The following EIF3A variants were observed in gnomAD, a reference collection of about 807,000 sequenced individuals.
EIF3A encodes EIF3, p180 subunit.
A neutral mutation model predicts 186.6 loss-of-function variants in EIF3A; 21 were observed. The observed-to-expected ratio is 0.11, with a 90% CI of 0.08 to 0.16. The LOEUF is 0.16. Ranked by LOEUF, EIF3A falls within the 10% of genes least tolerant of loss-of-function variation. The pLI, the probability that EIF3A is intolerant of heterozygous loss-of-function variation, is 1.00. For missense variants in EIF3A, 1,306 were observed against 1,796.3 expected (o/e 0.73, Z 4.93); for synonymous variants, 563 against 584.3 (o/e 0.96, Z 0.52).
chr10:119,038,793 G>A (rs113835234), intron 19 of EIF3A, among the ~76,000 whole-genome samples: 5 of 152,104 alleles, frequency 3.3e-5, no homozygotes, highest in East Asian at 1.9e-4. Flanking sequence ...GTGGTGGTGC[G>A]CCTGTAGTCC....
intron 6 of EIF3A, among the ~76,000 whole-genome samples, chr10:119,065,988 C>T (rs370063329): frequency 2.6e-5 from 4 of 151,974 alleles, no homozygotes; most frequent in Non-Finnish European, 4.4e-5. Flanking sequence ...TAGTGGTGGG[C>T]GCCTGTAGTC....
In EIF3A at chr10:119,071,469, A is replaced by G. The variant is rs185119351; in HGVS notation, c.542-384T>C. 1.3e-4 allele frequency among the ~76,000 whole-genome samples: 20 copies of G among 152,322 alleles called. No individual in the cohort carries two copies. The East Asian group carries it at 3.9e-3, about 29-fold the overall frequency. On this transcript the variant is annotated intron_variant, in intron 4 of 21. Transcript: ENST00000369144. Reference sequence around the variant, plus strand: ...TACATAGTAAGAAACAAGGTTCTGTACTAATTAAAACTACATAATACAAAT... The same window carrying G: ...TACATAGTAAGAAACAAGGTTCTGTGCTAATTAAAACTACATAATACAAAT...
In EIF3A at chr10:119,035,447, T is replaced by C. The variant is rs1417557234; in HGVS notation, c.*592A>G. 2.0e-5 allele frequency: 3 copies of C among 149,676 alleles called. No individual in the cohort carries two copies. Among genetic ancestry groups the C allele is most frequent in the African/African-American group, 7.3e-5 (3 of 41,122 alleles). The allele number at this position is 149,676 out of a possible 1,614,324, so 9.3% of individuals were successfully genotyped here. ...TCATTACAACAACTGCAAATTGCTTTGTACTCACCTTCTCTCAAGTAAAAT... is the reference window on the plus strand; with the variant it reads ...TCATTACAACAACTGCAAATTGCTTCGTACTCACCTTCTCTCAAGTAAAAT... On this transcript the variant is annotated 3_prime_UTR_variant, in exon 22 of 22. Transcript: ENST00000369144.
In EIF3A at chr10:119,065,517, C is replaced by G. The variant is rs199796475; in HGVS notation, c.1004G>C (p.Arg335Pro). 5 of 1,612,730 alleles carry G rather than the reference C, an allele frequency of 3.1e-6. No homozygotes were observed. The highest frequency in any genetic ancestry group is 3.4e-6 in the Non-Finnish European group (4 of 1,178,980). Residue 335 changes from arginine to proline, a missense_variant, in exon 7 of 22, where the codon CGT becomes CCT. Coordinates refer to ENST00000369144, the MANE Select transcript of EIF3A (RefSeq NM_003750.4). Reference sequence around the variant, plus strand: ...ATCCAGAAGTCGAGCAATATCCGTACGCTCAGGAGTAATAGGGATGGAAAG... The same window carrying G: ...ATCCAGAAGTCGAGCAATATCCGTAGGCTCAGGAGTAATAGGGATGGAAAG... ...ATLSIPITPE[R>P]TDIARLLDMD...
At chr10:119,052,841 T>A (rs1055018524) in intron 14 of EIF3A, among the ~76,000 whole-genome samples, 1 of 152,206 alleles carries the variant, frequency 6.6e-6, no homozygotes, top group East Asian at 1.9e-4. Flanking sequence ...ACAAATGGCA[T>A]CTGGAATAAA....
Position 119,075,711 on chromosome 10 carries a change from C to CTTTTTTT in EIF3A, c.50-1781_50-1775dup, listed in dbSNP as rs58392465. ...ATTGTTTATTTTCCTTGGAAAAAGA[C>CTTTTTTT]TTTTTTTTTTTTTTTTTTTTTGGAC... On this transcript the variant is annotated intron_variant, in intron 1 of 21. Transcript: ENST00000369144. Among the ~76,000 whole-genome samples, 35 of 65,294 alleles carry CTTTTTTT rather than the reference C, an allele frequency of 5.4e-4. 2 individuals carry two copies. Among genetic ancestry groups the CTTTTTTT allele is most frequent in the Non-Finnish European group, 7.3e-4 (28 of 38,356 alleles). 42.8% of individuals were successfully genotyped at this position (65,294 alleles called of 152,430 possible).
chr10:119,053,027 T>C (rs931216135), intron 14 of EIF3A, among the ~76,000 whole-genome samples: 4 of 152,192 alleles, frequency 2.6e-5, no homozygotes, highest in Non-Finnish European at 4.4e-5. Flanking sequence ...AAAACAAACA[T>C]TAATCTCTCT....
chr10:119,080,606 C>A (rs1267813741), intron 1 of EIF3A, 22 bp downstream of exon 1: 3 of 1,571,724 alleles, frequency 1.9e-6, no homozygotes, highest in East Asian at 2.4e-5. Flanking sequence ...CCCAGCCCGG[C>A]GCGCCCCGAT....
At chr10:119,076,478 T>C (rs928735601) in intron 1 of EIF3A, among the ~76,000 whole-genome samples, 3 of 150,890 alleles carry the variant, frequency 2.0e-5, no homozygotes, top group South Asian at 2.1e-4. Flanking sequence ...GCTGACTCCA[T>C]CTTACTATCA....
intron 14 of EIF3A, among the ~76,000 whole-genome samples, chr10:119,052,370 G>GTGTGTGTC (rs1165906990): frequency 6.0e-5 from 8 of 132,820 alleles, no homozygotes; most frequent in African/African-American, 2.9e-4. Flanking sequence ...TTTTGGTTTT[G>GTGTGTGTC]TGTGTGTGTG....
At chr10:119,071,973 C>T (rs1180823558) in intron 4 of EIF3A, among the ~76,000 whole-genome samples, 22 of 129,068 alleles carry the variant, frequency 1.7e-4, no homozygotes, top group Admixed American at 1.3e-3. Flanking sequence ...TGTAGTGAGC[C>T]GAGATTGCGC....
chr10:119,041,564 C>G (rs1433610439), intron 19 of EIF3A, among the ~76,000 whole-genome samples: 2 of 152,096 alleles, frequency 1.3e-5, no homozygotes, highest in South Asian at 2.1e-4. Context: ...AGAGCAAGAC[C>G]CTGTCTCAAA....
chr10:119,078,013 G>C (rs998617488), intron 1 of EIF3A, among the ~76,000 whole-genome samples: 1 of 152,140 alleles, frequency 6.6e-6, no homozygotes. Context: ...GGATGGGTGA[G>C]CATTTGGAGC....
chr10:119,072,432 G>GTTTTGTTTT, intron 4 of EIF3A, among the ~76,000 whole-genome samples: 1 of 150,112 alleles, frequency 6.7e-6, no homozygotes, highest in African/African-American at 2.5e-5. Context: ...CAGTCATTTT[G>GTTTTGTTTT]GTTTTGTTTT....
intron 20 of EIF3A, 83 bp from the exon 21 acceptor site, chr10:119,037,392 C>A: frequency 1.6e-6 from 2 of 1,244,710 alleles, no homozygotes; most frequent in Non-Finnish European, 2.3e-6. Flanking sequence ...CAAGCTGGGG[C>A]TTAGAGTTTA....
At chr10:119,056,166 AT>A (rs1843780566) in intron 14 of EIF3A, among the ~76,000 whole-genome samples, 1 of 152,230 alleles carries the variant, frequency 6.6e-6, no homozygotes, top group Admixed American at 6.5e-5. Context: ...TGCCGTAAGC[AT>A]TTGTAAACCA....
At chr10:119,080,358 G>C (rs944788644) in intron 1 of EIF3A, 52 of 985,460 alleles carry the variant, frequency 5.3e-5, no homozygotes, top group Non-Finnish European at 6.3e-5. Flanking sequence ...CTGTCTCCCG[G>C]GCTGCGGTCC....
chr10:119,060,913 C>T (rs1265382027), intron 8 of EIF3A, 69 bp from the exon 9 acceptor site: 6 of 940,102 alleles, frequency 6.4e-6, no homozygotes. Flanking sequence ...ATCTAAAACT[C>T]TTTTTTTTTT....
At chr10:119,077,352 G>T (rs975976724) in intron 1 of EIF3A, among the ~76,000 whole-genome samples, 5 of 151,878 alleles carry the variant, frequency 3.3e-5, no homozygotes, top group African/African-American at 1.2e-4. Context: ...TTGGGAGGCT[G>T]AGGCAGGAGA....
Sources: allele counts gnomAD v4.1 joint callset (sites outside exome capture counted in the v4.1 genomes callset), GRCh38; gene constraint gnomAD v4.1.1; transcripts MANE v1.5; gene names NCBI Gene and HGNC (gene_info 2026-07-23, HGNC 2026-07-21).